ZNF385D: variants seen among roughly 807,000 people sequenced by gnomAD.
The protein encoded by ZNF385D is zinc finger protein 385D.
In ZNF385D, 15 loss-of-function variants were observed where a neutral mutation model predicts 35.8. That is an observed-to-expected ratio of 0.42 (90% CI 0.28 to 0.64). The LOEUF is 0.64. Ranked by LOEUF, ZNF385D falls within the 30% of genes least tolerant of loss-of-function variation. The pLI, the probability that ZNF385D is intolerant of heterozygous loss-of-function variation, is 0.23. For synonymous variants in ZNF385D, 212 were observed against 186.8 expected (o/e 1.13, Z -1.10); for missense variants, 474 against 494.6 (o/e 0.96, Z 0.39).
chr3:21,692,648 G>T (rs1367470133), intron 1 of ZNF385D, among the ~76,000 whole-genome samples: 1 of 152,180 alleles, frequency 6.6e-6, no homozygotes, highest in Non-Finnish European at 1.5e-5. Context: ...ACTCTACGCA[G>T]AATGCCACAA....
At chr3:22,174,132 T>A (rs1222924935) in intron 2 of ZNF385D, among the ~76,000 whole-genome samples, 2 of 152,064 alleles carry the variant, frequency 1.3e-5, no homozygotes, top group South Asian at 2.1e-4. Flanking sequence ...CTATTGCAAC[T>A]CCCACAATCA....
chr3:22,187,543 C>T lies in ZNF385D; in HGVS notation c.107-18508G>A, dbSNP rs770647238. Among the ~76,000 whole-genome samples, 130 of 151,936 alleles carry T rather than the reference C, an allele frequency of 8.6e-4. 2 individuals carry two copies. The highest frequency in any genetic ancestry group is 1.7e-3 in the Admixed American group (26 of 15,218). ...ACTTTTAAAATATTACATAGATATT[C>T]CATTTCATTCTTTTTGTAAGGAGAA... is the stretch of plus-strand genomic sequence containing the variant. On this transcript the variant is annotated intron_variant, in intron 2 of 5. Coordinates refer to the ZNF385D transcript ENST00000494108.
At chr3:21,907,584 G>GTGCA (rs1699744695) in intron 3 of ZNF385D, among the ~76,000 whole-genome samples, 1 of 152,022 alleles carries the variant, frequency 6.6e-6, no homozygotes, top group African/African-American at 2.4e-5. Context: ...ATGTGCACGA[G>GTGCA]TCAGATTAGT....
At chr3:22,199,239 G>A (rs1696622670) in intron 2 of ZNF385D, among the ~76,000 whole-genome samples, 1 of 152,008 alleles carries the variant, frequency 6.6e-6, no homozygotes. Flanking sequence ...GTTTCACTAA[G>A]CTATAATTGT....
intron 3 of ZNF385D, among the ~76,000 whole-genome samples, chr3:22,043,100 A>G (rs1698768103): frequency 6.6e-6 from 1 of 152,158 alleles, no homozygotes; most frequent in South Asian, 2.1e-4. Flanking sequence ...CCACTCAGAG[A>G]ATAAAGCTGC....
At chr3:21,991,100 G>T (rs1695122695) in intron 3 of ZNF385D, among the ~76,000 whole-genome samples, 1 of 152,136 alleles carries the variant, frequency 6.6e-6, no homozygotes, top group African/African-American at 2.4e-5. Context: ...GAAAATGTAA[G>T]TAATCATTTG....
intron 3 of ZNF385D, among the ~76,000 whole-genome samples, chr3:21,891,711 G>A (rs1292346352): frequency 6.6e-6 from 1 of 152,156 alleles, no homozygotes; most frequent in East Asian, 1.9e-4. Flanking sequence ...TAGGCTGAGA[G>A]GCCTTGACGT....
At chr3:21,543,663 TC>T (rs1486440151) in intron 3 of ZNF385D, among the ~76,000 whole-genome samples, 25 of 152,330 alleles carry the variant, frequency 1.6e-4, no homozygotes, top group African/African-American at 5.8e-4. Flanking sequence ...AAGAGGTTCT[TC>T]CCCAGGCATT....
intron 3 of ZNF385D, among the ~76,000 whole-genome samples, chr3:22,056,575 A>G (rs898793198): frequency 5.3e-5 from 8 of 152,026 alleles, no homozygotes; most frequent in African/African-American, 1.7e-4. Context: ...AATGGTTCTG[A>G]CCAAAAAACA....
chr3:21,573,443 T>C lies in ZNF385D; in HGVS notation c.166-8759A>G, dbSNP rs73033325. Among the ~76,000 whole-genome samples, 476 of 152,200 alleles carry C rather than the reference T, an allele frequency of 3.1e-3. 1 individual carries two copies. The highest frequency in any genetic ancestry group is 5.3e-3 in the Non-Finnish European group (363 of 68,004). ...AGGACTTGGGAAAAATGGAGAAAAA[T>C]TTGGCAACACCAAGTAATGTTGAAA... On this transcript the variant is annotated intron_variant, in intron 2 of 7. Transcript: ENST00000281523.
chr3:21,908,164 A>G (rs28602410), intron 3 of ZNF385D, among the ~76,000 whole-genome samples: 1 of 148,712 alleles, frequency 6.7e-6, no homozygotes, highest in African/African-American at 2.5e-5. Flanking sequence ...CTATCTATCT[A>G]TCTATCTATA....
intron 3 of ZNF385D, among the ~76,000 whole-genome samples, chr3:22,140,006 A>ATG (rs1434580806): frequency 6.6e-6 from 1 of 152,222 alleles, no homozygotes; most frequent in African/African-American, 2.4e-5. Context: ...GTTACTGGAA[A>ATG]TATACAATGG....
chr3:21,791,444 TTCAGA>T (rs1408301203), intron 3 of ZNF385D, among the ~76,000 whole-genome samples: 1 of 152,196 alleles, frequency 6.6e-6, no homozygotes, highest in Non-Finnish European at 1.5e-5. Context: ...ATGTCTTCAC[TTCAGA>T]TAATTTGCCC....
rs1399881606 is a variant in ZNF385D, at chr3:21,421,466, ATTGT to A, written c.955-23_955-20del. The A allele has an allele frequency of 1.9e-6, 3 of 1,579,218 alleles. No individual in the cohort carries two copies. The highest frequency in any genetic ancestry group is 1.7e-5 in the Admixed American group (1 of 57,864). ...ATTTTACCTGCAAGGGAGAAAAAAT[ATTGT>A]AAAAAAAACAACAGTTTTGGAATTT... On this transcript the variant is annotated intron_variant, in intron 7 of 7. Transcript: ENST00000281523.
At chr3:22,108,516 G>A (rs1003603807) in intron 3 of ZNF385D, among the ~76,000 whole-genome samples, 1 of 152,102 alleles carries the variant, frequency 6.6e-6, no homozygotes, top group South Asian at 2.1e-4. Context: ...TTCATGAAAT[G>A]ACTGGCAAAT....
intron 3 of ZNF385D, among the ~76,000 whole-genome samples, chr3:22,024,213 T>C (rs1697397931): frequency 6.6e-6 from 1 of 152,128 alleles, no homozygotes; most frequent in African/African-American, 2.4e-5. Flanking sequence ...GTTCTTCAGT[T>C]TGGGCACTTG....
intron 3 of ZNF385D, among the ~76,000 whole-genome samples, chr3:21,827,365 CTG>C (rs747577667): frequency 6.6e-6 from 1 of 152,078 alleles, no homozygotes; most frequent in Non-Finnish European, 1.5e-5. Context: ...TATATATTAA[CTG>C]TATATATACA....
chr3:21,990,510 T>C (rs539491920), intron 3 of ZNF385D, among the ~76,000 whole-genome samples: 88 of 152,324 alleles, frequency 5.8e-4, no homozygotes, highest in Non-Finnish European at 1.0e-3. Flanking sequence ...TGCTTAAAAT[T>C]ACTTTTATGA....
At chr3:22,107,749 A>T (rs1446631928) in intron 3 of ZNF385D, among the ~76,000 whole-genome samples, 1 of 152,024 alleles carries the variant, frequency 6.6e-6, no homozygotes. Flanking sequence ...AACTGTATGT[A>T]TATATTTCTC....
Sources: allele counts gnomAD v4.1 joint callset (sites outside exome capture counted in the v4.1 genomes callset), GRCh38; gene constraint gnomAD v4.1.1; transcripts MANE v1.5; gene names NCBI Gene and HGNC (gene_info 2026-07-23, HGNC 2026-07-21).